Variants in SH3GL3 observed in about 807,000 individuals in gnomAD.
The protein encoded by SH3GL3 is endophilin-A3.
SH3GL3 carries 33 observed loss-of-function variants against 47.7 expected under a neutral mutation model. That is an observed-to-expected ratio of 0.69 (90% CI 0.52 to 0.92). The LOEUF (loss-of-function observed/expected upper bound fraction) is 0.92, where lower values mean the gene tolerates loss of function less well. Ranked by LOEUF, SH3GL3 falls within the 40% of genes least tolerant of loss-of-function variation. The pLI is 0.00. For synonymous variants in SH3GL3, 155 were observed against 148.8 expected (o/e 1.04, Z -0.30); for missense variants, 363 against 417.8 (o/e 0.87, Z 1.14).
At chr15:83,450,556 G>C (rs1047883719) in intron 1 of SH3GL3, among the ~76,000 whole-genome samples, 2 of 151,934 alleles carry the variant, frequency 1.3e-5, no homozygotes, top group African/African-American at 2.4e-5. Flanking sequence ...ATGAAGACTC[G>C]TAAACCCTGG....
At chr15:83,600,569 A>G (rs2060352821) in intron 8 of SH3GL3, among the ~76,000 whole-genome samples, 1 of 152,178 alleles carries the variant, frequency 6.6e-6, no homozygotes, top group Admixed American at 6.5e-5. Flanking sequence ...TTATAACAGT[A>G]CCATGCTGTT....
chr15:83,473,551 C>CT (rs777552855), intron 1 of SH3GL3, among the ~76,000 whole-genome samples: 163 of 141,780 alleles, frequency 1.1e-3, no homozygotes, highest in Middle Eastern at 3.7e-3. Flanking sequence ...TTTGTTGGGG[C>CT]TTTTTTTTTT....
chr15:83,502,032 A>G (rs1935489148), intron 1 of SH3GL3, among the ~76,000 whole-genome samples: 1 of 152,270 alleles, frequency 6.6e-6, no homozygotes, highest in African/African-American at 2.4e-5. Context: ...TCAGACAGGT[A>G]TAACCAAGAC....
intron 8 of SH3GL3, among the ~76,000 whole-genome samples, chr15:83,591,267 C>T (rs1006595179): frequency 6.6e-5 from 10 of 152,172 alleles, no homozygotes; most frequent in African/African-American, 2.4e-4. Flanking sequence ...CTCAGCCTCC[C>T]AAAGTGCTGG....
At chr15:83,547,035 A>T (rs2044434919) in intron 1 of SH3GL3, among the ~76,000 whole-genome samples, 1 of 152,140 alleles carries the variant, frequency 6.6e-6, no homozygotes, top group Admixed American at 6.5e-5. Context: ...CAGCTGGTGT[A>T]TCCCTGGAAA....
intron 1 of SH3GL3, among the ~76,000 whole-genome samples, chr15:83,527,222 T>G (rs949050191): frequency 6.6e-6 from 1 of 152,190 alleles, no homozygotes; most frequent in Non-Finnish European, 1.5e-5. Context: ...TGTAAATGTC[T>G]GTTAGGTTCA....
intron 1 of SH3GL3, among the ~76,000 whole-genome samples, chr15:83,467,530 G>A (rs191062270): frequency 7.7e-4 from 117 of 152,162 alleles, no homozygotes; most frequent in Non-Finnish European, 1.5e-3. Flanking sequence ...TTGTCTTTTC[G>A]TATAAATTTT....
At chr15:83,499,902 C>T (rs1411733354) in intron 1 of SH3GL3, among the ~76,000 whole-genome samples, 2 of 152,192 alleles carry the variant, frequency 1.3e-5, no homozygotes, top group Non-Finnish European at 1.5e-5. Flanking sequence ...GACACTAGAA[C>T]CCAAGAGCCT....
chr15:83,591,518 G>A (rs2060097777), intron 8 of SH3GL3, among the ~76,000 whole-genome samples: 1 of 150,646 alleles, frequency 6.6e-6, no homozygotes. Flanking sequence ...AGTAATATGT[G>A]TATGTAGTTT....
chr15:83,531,073 C>T (rs1332455341), intron 1 of SH3GL3, among the ~76,000 whole-genome samples: 1 of 152,186 alleles, frequency 6.6e-6, no homozygotes, highest in Non-Finnish European at 1.5e-5. Flanking sequence ...AAACAGAATC[C>T]TTAACATGCC....
chr15:83,605,661 A>G (rs2060495155), intron 8 of SH3GL3, among the ~76,000 whole-genome samples: 1 of 152,194 alleles, frequency 6.6e-6, no homozygotes, highest in African/African-American at 2.4e-5. Flanking sequence ...GAGAATGAAT[A>G]AAGTGAGCCA....
intron 1 of SH3GL3, among the ~76,000 whole-genome samples, chr15:83,557,203 G>T (rs1374913669): frequency 6.6e-6 from 1 of 152,194 alleles, no homozygotes; most frequent in African/African-American, 2.4e-5. Flanking sequence ...AGGAGAGATT[G>T]TGTAACTTTC....
At chr15:83,516,165 A>G (rs781136340) in intron 1 of SH3GL3, among the ~76,000 whole-genome samples, 1 of 152,190 alleles carries the variant, frequency 6.6e-6, no homozygotes, top group Non-Finnish European at 1.5e-5. Context: ...CATGATGAGC[A>G]TGCCTTTCTT....
At chr15:83,518,178 A>G (rs562935213) in intron 1 of SH3GL3, among the ~76,000 whole-genome samples, 112 of 152,190 alleles carry the variant, frequency 7.4e-4, no homozygotes, top group Non-Finnish European at 1.3e-3. Context: ...TGCTATTGTG[A>G]ATAGTGCTAC....
chr15:83,460,023 C>CCCCTCCCT (rs1202681567), intron 1 of SH3GL3, among the ~76,000 whole-genome samples: 3 of 32,174 alleles, frequency 9.3e-5, no homozygotes, highest in South Asian at 3.1e-3. Context: ...CCCGTCCCCT[C>CCCCTCCCT]CCCTCCCTCC....
At chr15:83,613,838 G>A (rs890984192) in intron 8 of SH3GL3, among the ~76,000 whole-genome samples, 2 of 152,142 alleles carry the variant, frequency 1.3e-5, no homozygotes, top group African/African-American at 4.8e-5. Context: ...AGGCCATTAT[G>A]ACCTCTCAGA....
chr15:83,539,550 A>G (rs780022071), intron 1 of SH3GL3, among the ~76,000 whole-genome samples: 1 of 152,252 alleles, frequency 6.6e-6, no homozygotes, highest in Non-Finnish European at 1.5e-5. Flanking sequence ...AATTGCCTAT[A>G]CAAGGCTCCT....
intron 8 of SH3GL3, among the ~76,000 whole-genome samples, chr15:83,610,823 C>T (rs973190960): frequency 4.6e-5 from 7 of 152,060 alleles, no homozygotes; most frequent in Non-Finnish European, 5.9e-5. Context: ...TGTCCTGGCA[C>T]ATGGTAAACA....
At chr15:83,598,790 C>T (rs1376384678) in intron 8 of SH3GL3, among the ~76,000 whole-genome samples, 1 of 152,052 alleles carries the variant, frequency 6.6e-6, no homozygotes, top group African/African-American at 2.4e-5. Flanking sequence ...GGAGAGGCCT[C>T]CGGTTAAAAG....
Sources: gnomAD v4.1 joint callset for allele counts (sites outside exome capture counted in the v4.1 genomes callset) on GRCh38, gnomAD v4.1.1 for gene constraint, MANE v1.5 for transcripts, NCBI Gene and HGNC (gene_info 2026-07-23, HGNC 2026-07-21) for gene names.